NOX4: variants seen among roughly 807,000 people sequenced by gnomAD.
The protein encoded by NOX4 is kidney oxidase-1.
Under a neutral mutation model 87.6 loss-of-function variants are expected in NOX4, and 69 were observed. The observed-to-expected ratio is 0.79, with a 90% CI of 0.65 to 0.96. The LOEUF (loss-of-function observed/expected upper bound fraction) is 0.96. Ranked by LOEUF, NOX4 falls within the 40% of genes least tolerant of loss-of-function variation. NOX4 has a pLI of 0.00. For missense variants in NOX4, 680 were observed against 681.5 expected (o/e 1.00, Z 0.02); for synonymous variants, 275 against 238.2 (o/e 1.15, Z -1.42).
In NOX4 at chr11:89,432,020, C is replaced by A. The variant is rs368833853; in HGVS notation, c.548+764G>T. Among the ~76,000 whole-genome samples the A allele has an allele frequency of 2.7e-4, 41 of 152,156 alleles. No homozygotes were observed. The South Asian group carries it at 6.4e-3, about 24-fold the overall frequency. On this transcript the variant is annotated intron_variant, in intron 7 of 17. Coordinates refer to ENST00000263317, the MANE Select transcript of NOX4 (RefSeq NM_016931.5). The stretch of plus-strand genomic sequence containing the variant: ...TATACACCATGGATTACTATGCAGC[C>A]ATAAAAAAGGATGAGTTCATGTCCT...
chr11:89,547,848 T>G, the NOX4 span, among the ~76,000 whole-genome samples: 1 of 152,072 alleles, frequency 6.6e-6, no homozygotes, highest in Non-Finnish European at 1.5e-5. Flanking sequence ...AGCTATATCA[T>G]GCAGCAATAG....
chr11:89,525,086 C>A, the NOX4 span, among the ~76,000 whole-genome samples: 1,157 of 152,114 alleles, frequency 7.6e-3, 15 homozygotes, highest in African/African-American at 0.026. Flanking sequence ...ATTAAAATTT[C>A]AATCACCTAG....
chr11:89,566,801 C>A, the NOX4 span, among the ~76,000 whole-genome samples: 1 of 152,182 alleles, frequency 6.6e-6, no homozygotes, highest in African/African-American at 2.4e-5. Context: ...AGCACCAGGA[C>A]TTGTTCCCAG....
the NOX4 span, among the ~76,000 whole-genome samples, chr11:89,507,135 TG>T: frequency 6.6e-6 from 1 of 151,942 alleles, no homozygotes; most frequent in African/African-American, 2.4e-5. Context: ...GAAGATTTTC[TG>T]TGGCTGGGGT....
intron 11 of NOX4, among the ~76,000 whole-genome samples, chr11:89,389,673 C>G (rs1453793230): frequency 6.6e-6 from 1 of 152,120 alleles, no homozygotes; most frequent in Non-Finnish European, 1.5e-5. Context: ...TTTTTGTTTT[C>G]TGACTCCAGC....
chr11:89,566,183 C>T, the NOX4 span, among the ~76,000 whole-genome samples: 2 of 151,904 alleles, frequency 1.3e-5, no homozygotes, highest in Non-Finnish European at 2.9e-5. Flanking sequence ...GCTGGGACTA[C>T]AGGCGCCAGC....
the NOX4 span, among the ~76,000 whole-genome samples, chr11:89,543,373 ATTG>A: frequency 6.6e-6 from 1 of 152,106 alleles, no homozygotes; most frequent in Non-Finnish European, 1.5e-5. Flanking sequence ...AATTTCCCCT[ATTG>A]TTCTACATAT....
At chr11:89,484,151 A>C (rs528870560) in intron 2 of NOX4, among the ~76,000 whole-genome samples, 3 of 152,152 alleles carry the variant, frequency 2.0e-5, no homozygotes, top group Non-Finnish European at 4.4e-5. Flanking sequence ...TTATTAAAAA[A>C]TAAAGATTTG....
At chr11:89,479,548 C>T (rs900588168) in intron 2 of NOX4, among the ~76,000 whole-genome samples, 1 of 152,168 alleles carries the variant, frequency 6.6e-6, no homozygotes, top group Admixed American at 6.5e-5. Context: ...TCTCTTCTTC[C>T]CTTAAAATAT....
At chr11:89,485,830 A>AT (rs932495305) in intron 2 of NOX4, among the ~76,000 whole-genome samples, 27 of 151,438 alleles carry the variant, frequency 1.8e-4, no homozygotes, top group African/African-American at 5.3e-4. Context: ...CTCTCAATAG[A>AT]TTTTTTTTTC....
intron 5 of NOX4, among the ~76,000 whole-genome samples, chr11:89,442,954 G>A (rs1347160720): frequency 6.6e-6 from 1 of 152,124 alleles, no homozygotes; most frequent in African/African-American, 2.4e-5. Flanking sequence ...GGCAGCAGGA[G>A]AAAGGGAAGC....
intron 11 of NOX4, among the ~76,000 whole-genome samples, chr11:89,397,129 C>A (rs1479198751): frequency 6.6e-6 from 1 of 152,126 alleles, no homozygotes; most frequent in Non-Finnish European, 1.5e-5. Context: ...TCTCAGACCA[C>A]AGTGCAATCA....
the NOX4 span, among the ~76,000 whole-genome samples, chr11:89,570,223 G>A: frequency 1.3e-5 from 2 of 152,092 alleles, no homozygotes; most frequent in South Asian, 2.1e-4. Flanking sequence ...TGGAATTGGA[G>A]GCCATTATCC....
intron 7 of NOX4, among the ~76,000 whole-genome samples, chr11:89,425,447 A>G (rs1943335108): frequency 6.6e-6 from 1 of 151,578 alleles, no homozygotes; most frequent in Non-Finnish European, 1.5e-5. Context: ...TACCCAAAAC[A>G]TTTAGTAATA....
rs966306522 is a variant in NOX4, at chr11:89,444,029, C to A, written c.447+106G>T. On this transcript the variant is annotated intron_variant, in intron 5 of 17. Coordinates refer to ENST00000263317, the MANE Select transcript of NOX4 (RefSeq NM_016931.5). Reference sequence around the variant, plus strand: ...CAACTTGACAACTGCATTTTAAAAGCACTCAAAAGGAGCAGTAAGGTACAA... The same window carrying A: ...CAACTTGACAACTGCATTTTAAAAGAACTCAAAAGGAGCAGTAAGGTACAA... 18 of 824,418 alleles carry A rather than the reference C, an allele frequency of 2.2e-5. No individual in the cohort carries two copies. In the African/African-American group the frequency reaches 2.9e-4, roughly 13 times the overall value. The allele number at this position is 824,418 out of a possible 1,614,324, so 51.1% of individuals were successfully genotyped here.
intron 2 of NOX4, among the ~76,000 whole-genome samples, chr11:89,486,560 GTA>G (rs1946613232): frequency 6.9e-6 from 1 of 144,080 alleles, no homozygotes; most frequent in African/African-American, 2.6e-5. Context: ...GTATATATGT[GTA>G]TATATACATA....
chr11:89,534,317 G>A, the NOX4 span, among the ~76,000 whole-genome samples: 1 of 152,312 alleles, frequency 6.6e-6, no homozygotes. Flanking sequence ...TTATCCAGAT[G>A]TTGTATGCCA....
intron 8 of NOX4, among the ~76,000 whole-genome samples, chr11:89,411,804 G>C (rs1280418273): frequency 6.6e-6 from 1 of 152,056 alleles, no homozygotes; most frequent in Non-Finnish European, 1.5e-5. Context: ...AATGGTACAA[G>C]AAAGGCCATA....
At chr11:89,489,040 C>T (rs1416462545) in intron 2 of NOX4, 2 of 699,260 alleles carry the variant, frequency 2.9e-6, no homozygotes, top group Non-Finnish European at 2.6e-6. Flanking sequence ...TTTAGCTTTA[C>T]AGACTATTTT....
Sources: allele counts gnomAD v4.1 joint callset (sites outside exome capture counted in the v4.1 genomes callset), GRCh38; gene constraint gnomAD v4.1.1; transcripts MANE v1.5; gene names NCBI Gene and HGNC (gene_info 2026-07-23, HGNC 2026-07-21).